Variants in GOLGA3 observed in about 807,000 individuals in gnomAD.
GOLGA3 encodes golgin A3, also known as golgin subfamily A member 3.
A neutral mutation model predicts 169.4 loss-of-function variants in GOLGA3; 75 were observed. That is an observed-to-expected ratio of 0.44 (90% CI 0.37 to 0.54). GOLGA3 has a LOEUF of 0.54. Ranked by LOEUF, GOLGA3 falls within the 20% of genes least tolerant of loss-of-function variation. The pLI is 0.00. For missense variants in GOLGA3, 1,899 were observed against 1,930.0 expected (o/e 0.98, Z 0.30); for synonymous variants, 824 against 822.4 (o/e 1.00, Z -0.03).
At position 132,798,387 on chromosome 12, in the gene GOLGA3, A is replaced by T; in HGVS notation, c.1891T>A (p.Ser631Thr). ...GCGATGCGCCCCTTCTCCTTCATGG[A>T]CCTGTGCTGAGTTTCCGTCAGCTGC... ...SQQLTETQHR[S>T]MKEKGRIAAQ... Residue 631 changes from serine (S) to threonine (T), a missense_variant, in exon 9 of 24, where the codon TCC becomes ACC. Ser to Thr is a moderately conservative substitution (Grantham distance 58, BLOSUM62 1). Coordinates refer to ENST00000450791, the MANE Select transcript of GOLGA3 (RefSeq NM_001389683.1). 1 of 1,613,368 alleles carries T rather than the reference A, an allele frequency of 6.2e-7. No individual in the cohort carries two copies. The highest frequency in any genetic ancestry group is 8.5e-7 in the Non-Finnish European group (1 of 1,179,782).
At chr12:132,824,411 G>C (rs1593408695) in intron 1 of GOLGA3, among the ~76,000 whole-genome samples, 1 of 152,228 alleles carries the variant, frequency 6.6e-6, no homozygotes, top group African/African-American at 2.4e-5. Flanking sequence ...ATATTAAAAG[G>C]TTACGTATGC....
chr12:132,799,749 T>C (rs1442466433), intron 8 of GOLGA3, among the ~76,000 whole-genome samples: 1 of 152,102 alleles, frequency 6.6e-6, no homozygotes, highest in Non-Finnish European at 1.5e-5. Context: ...GTTTTTTTTT[T>C]TTGAGACAAA....
intron 21 of GOLGA3, among the ~76,000 whole-genome samples, chr12:132,775,984 C>T (rs576489359): frequency 1.4e-4 from 21 of 152,260 alleles, no homozygotes; most frequent in Admixed American, 9.2e-4. Context: ...GCCCAGGCTT[C>T]GCCCCTGCCT....
chr12:132,824,162 G>A (rs1429747738), intron 1 of GOLGA3, among the ~76,000 whole-genome samples: 1 of 152,224 alleles, frequency 6.6e-6, no homozygotes, highest in Non-Finnish European at 1.5e-5. Flanking sequence ...CCCCGCAGCA[G>A]GACGTGCCTG....
At chr12:132,828,049 G>A (rs887687036) in intron 1 of GOLGA3, 4 of 152,230 alleles carry the variant, frequency 2.6e-5, no homozygotes, top group African/African-American at 9.7e-5. Flanking sequence ...ATTACACTGT[G>A]GCCACATCCT....
Position 132,796,592 on chromosome 12 carries a change from G to T in GOLGA3, c.2047C>A (p.Arg683=). 6.2e-7 allele frequency: 1 copy of T among 1,613,706 alleles called. No homozygotes were observed. The highest frequency in any genetic ancestry group is 8.5e-7 in the Non-Finnish European group (1 of 1,180,000). ...RLEEFEGERE[R]LQRMADSAAS... is the part of the protein sequence containing the mutation. ...GCCGAGTCCGCCATCCTCTGCAGCC[G>T]CTCCCTCTCACCTTCAAACTCTTCC... is the stretch of plus-strand genomic sequence containing the variant. The change falls in exon 10 of 24, where the codon CGG becomes AGG. Residue 683 remains arginine (R), a synonymous_variant. Transcript: ENST00000450791.
chr12:132,812,086 G>C (rs1365637875), intron 4 of GOLGA3, among the ~76,000 whole-genome samples: 4 of 151,262 alleles, frequency 2.6e-5, no homozygotes, highest in African/African-American at 9.7e-5. Context: ...TACTCGGGAG[G>C]CTGAGGCTGG....
At position 132,771,293 on chromosome 12, in the gene GOLGA3, C is replaced by CA. The variant is rs1566057411; in HGVS notation, c.*1811dup. 1 of 152,562 alleles carries CA rather than the reference C, an allele frequency of 6.6e-6. No individual in the cohort carries two copies. The highest frequency in any genetic ancestry group is 1.5e-5 in the Non-Finnish European group (1 of 68,038). 9.5% of individuals were successfully genotyped at this position (152,562 alleles called of 1,614,324 possible). A position where few individuals can be genotyped will look rare whatever the true frequency, so the allele number is the denominator to read the frequency against. Reference sequence around the variant, plus strand: ...ACTGTTTTCTCCACAAAACAGACACCAGACACCGACATGAGCACATCTGGC... The same window carrying CA: ...ACTGTTTTCTCCACAAAACAGACACCAAGACACCGACATGAGCACATCTGGC... On this transcript the variant is annotated 3_prime_UTR_variant, in exon 24 of 24. Coordinates refer to ENST00000450791, the MANE Select transcript of GOLGA3 (RefSeq NM_001389683.1).
chr12:132,783,511 G>GAGCGCCGGGAAGCAGGA (rs2045726379), intron 16 of GOLGA3, among the ~76,000 whole-genome samples: 1 of 150,588 alleles, frequency 6.6e-6, no homozygotes, highest in Non-Finnish European at 1.5e-5. Flanking sequence ...TGGGGAGTGG[G>GAGCGCCGGGAAGCAGGA]GGGCGCCGGG....
chr12:132,778,232 G>A (rs752920095), intron 18 of GOLGA3, among the ~76,000 whole-genome samples: 10 of 151,866 alleles, frequency 6.6e-5, no homozygotes, highest in Non-Finnish European at 8.8e-5. Flanking sequence ...AGCTGTGATC[G>A]CGCCACTGCA....
At chr12:132,797,693 C>G (rs1318672265) in intron 9 of GOLGA3, among the ~76,000 whole-genome samples, 1 of 150,528 alleles carries the variant, frequency 6.6e-6, no homozygotes, top group South Asian at 2.1e-4. Context: ...CCCTGGGCGA[C>G]AAGAGCAAAA....
Position 132,816,543 on chromosome 12 carries a change from G to A in GOLGA3, c.403C>T (p.Leu135=), listed in dbSNP as rs761537283. 3 of 1,612,356 alleles carry A rather than the reference G, an allele frequency of 1.9e-6. No individual in the cohort carries two copies. The highest frequency in any genetic ancestry group is 2.5e-6 in the Non-Finnish European group (3 of 1,178,868). The change falls in exon 3 of 24, where the codon CTG becomes TTG. Residue 135 remains leucine (L), a synonymous_variant. Transcript: ENST00000450791. The part of the protein sequence containing the change: ...RLSLPMQETQ[L]CSTDSPLPLE... ...AAGCGGGGTAACGGATGCTTACACA[G>A]TTGCGTTTCTTGCATAGGAAGACTG...
At chr12:132,782,231 C>CG in intron 17 of GOLGA3, 65 bp downstream of exon 17, 1 of 1,348,998 alleles carries the variant, frequency 7.4e-7, no homozygotes, top group Admixed American at 1.7e-5. Context: ...ATGAGATTCT[C>CG]GGAGTGCGCA....
chr12:132,802,020 G>A (rs781047849), intron 7 of GOLGA3, 51 bp from the exon 8 acceptor site: 1 of 1,463,136 alleles, frequency 6.8e-7, no homozygotes, highest in South Asian at 1.2e-5. Flanking sequence ...CAACGGGGGA[G>A]TCCGCAGCTC....
At chr12:132,800,241 AT>A (rs1949067056) in intron 8 of GOLGA3, among the ~76,000 whole-genome samples, 1 of 152,216 alleles carries the variant, frequency 6.6e-6, no homozygotes, top group South Asian at 2.1e-4. Flanking sequence ...CACACCTGTA[AT>A]CCCAGCACTC....
intron 15 of GOLGA3, among the ~76,000 whole-genome samples, chr12:132,786,001 A>AG (rs1391352447): frequency 1.3e-5 from 2 of 152,226 alleles, no homozygotes; most frequent in Non-Finnish European, 2.9e-5. Context: ...CTGAGATGCG[A>AG]GGAGGCGCAG....
chr12:132,816,913 A>C, intron 2 of GOLGA3, 101 bp from the exon 3 acceptor site: 1 of 1,056,120 alleles, frequency 9.5e-7, no homozygotes, highest in Non-Finnish European at 1.3e-6. Context: ...ATCCAGACTC[A>C]TGAGCACGGC....
intron 22 of GOLGA3, chr12:132,774,585 G>A (rs1012493586): frequency 1.1e-5 from 6 of 544,700 alleles, no homozygotes; most frequent in East Asian, 9.6e-5. Context: ...GGACGGGGCC[G>A]AGCCACAGAC....
intron 2 of GOLGA3, among the ~76,000 whole-genome samples, chr12:132,818,367 C>A (rs1950079974): frequency 6.6e-6 from 1 of 152,248 alleles, no homozygotes; most frequent in African/African-American, 2.4e-5. Context: ...TCAAGCGATT[C>A]TCCTGCTTCA....
Sources: allele counts gnomAD v4.1 joint callset (sites outside exome capture counted in the v4.1 genomes callset), GRCh38; gene constraint gnomAD v4.1.1; transcripts MANE v1.5; gene names NCBI Gene and HGNC (gene_info 2026-07-23, HGNC 2026-07-21).